CSTPP1: variants seen among roughly 807,000 people sequenced by gnomAD.
CSTPP1 encodes the protein centriolar satellite-associated tubulin polyglutamylase complex regulator 1, also known as UPF0705 protein C11orf49.
At chr11:47,147,681 T>G in the CSTPP1 span, among the ~76,000 whole-genome samples, 2 of 152,270 alleles carry the variant, frequency 1.3e-5, no homozygotes, top group Non-Finnish European at 1.5e-5. Flanking sequence ...TTACCAGAAG[T>G]GGCTGCAGGT....
the CSTPP1 span, among the ~76,000 whole-genome samples, chr11:46,941,959 G>T: frequency 1.3e-5 from 2 of 152,140 alleles, no homozygotes; most frequent in East Asian, 1.9e-4. Flanking sequence ...AATATCTAGA[G>T]ATATCCCTTT....
At chr11:46,983,593 T>C in the CSTPP1 span, among the ~76,000 whole-genome samples, 1 of 152,218 alleles carries the variant, frequency 6.6e-6, no homozygotes, top group African/African-American at 2.4e-5. Flanking sequence ...GCAGGTGTGC[T>C]GTTTTTTATT....
At chr11:46,974,626 A>T in the CSTPP1 span, among the ~76,000 whole-genome samples, 1 of 151,622 alleles carries the variant, frequency 6.6e-6, no homozygotes, top group Admixed American at 6.6e-5. Context: ...GGTTCACTTG[A>T]GATCAGGAGT....
the CSTPP1 span, among the ~76,000 whole-genome samples, chr11:46,945,536 A>C: frequency 6.6e-6 from 1 of 151,838 alleles, no homozygotes; most frequent in Admixed American, 6.6e-5. Context: ...AATCGCTTGA[A>C]CCCGGGAGGC....
At chr11:47,096,650 A>C in the CSTPP1 span, among the ~76,000 whole-genome samples, 2 of 152,186 alleles carry the variant, frequency 1.3e-5, no homozygotes, top group Admixed American at 6.5e-5. Flanking sequence ...TGTTTTTATC[A>C]TGACCTGTGT....
the CSTPP1 span, chr11:46,936,835 G>T: frequency 6.2e-7 from 1 of 1,600,128 alleles, no homozygotes; most frequent in Admixed American, 1.7e-5. Context: ...TAGCCCTACC[G>T]GACTACGAGT....
the CSTPP1 span, among the ~76,000 whole-genome samples, chr11:47,068,233 A>G: frequency 6.6e-6 from 1 of 152,082 alleles, no homozygotes; most frequent in Non-Finnish European, 1.5e-5. Context: ...AATTTTGAAA[A>G]CTGCATGTGT....
At chr11:47,038,541 G>T in the CSTPP1 span, among the ~76,000 whole-genome samples, 112 of 102,812 alleles carry the variant, frequency 1.1e-3, 1 homozygote, top group African/African-American at 3.0e-3. Context: ...GGGCAGAGGC[G>T]CCCCTCACCT....
At chr11:46,953,829 CAG>C in the CSTPP1 span, among the ~76,000 whole-genome samples, 1 of 152,090 alleles carries the variant, frequency 6.6e-6, no homozygotes, top group South Asian at 2.1e-4. Flanking sequence ...ATTTGAACAA[CAG>C]AGGTGGGAAG....
the CSTPP1 span, chr11:46,936,905 A>G: frequency 1.6e-6 from 1 of 612,396 alleles, no homozygotes. Context: ...GAATTAGGCC[A>G]GGGTCTGGGA....
At chr11:47,011,493 A>G in the CSTPP1 span, among the ~76,000 whole-genome samples, 2 of 152,176 alleles carry the variant, frequency 1.3e-5, no homozygotes, top group Non-Finnish European at 2.9e-5. Context: ...GAAGGCTCCA[A>G]GTTTTGGGGT....
At chr11:47,157,982 CCT>C in the CSTPP1 span, 13 of 1,463,884 alleles carry the variant, frequency 8.9e-6, no homozygotes, top group South Asian at 1.1e-5. Flanking sequence ...GAGCAGCTGG[CCT>C]CTGTTAGCAA....
the CSTPP1 span, among the ~76,000 whole-genome samples, chr11:47,109,928 T>G: frequency 5.9e-5 from 9 of 152,240 alleles, no homozygotes; most frequent in Non-Finnish European, 1.2e-4. Flanking sequence ...ACACTCTTGT[T>G]GCTGATTCCC....
the CSTPP1 span, among the ~76,000 whole-genome samples, chr11:46,968,462 C>T: frequency 6.8e-6 from 1 of 146,806 alleles, no homozygotes; most frequent in Non-Finnish European, 1.5e-5. Context: ...CAGAAATAGA[C>T]CAGTCTTATC....
the CSTPP1 span, among the ~76,000 whole-genome samples, chr11:46,976,298 T>A: frequency 4.8e-4 from 73 of 152,230 alleles, no homozygotes; most frequent in Non-Finnish European, 7.5e-4. Context: ...TAATAAAGAC[T>A]TTAAATGATT....
At chr11:47,054,786 G>A in the CSTPP1 span, among the ~76,000 whole-genome samples, 1 of 152,154 alleles carries the variant, frequency 6.6e-6, no homozygotes, top group East Asian at 1.9e-4. Flanking sequence ...CACTTTCAGA[G>A]ATAGAATCCA....
chr11:47,015,398 C>T, the CSTPP1 span, among the ~76,000 whole-genome samples: 3 of 152,062 alleles, frequency 2.0e-5, no homozygotes, highest in South Asian at 2.1e-4. Flanking sequence ...CACTTGAACT[C>T]GGGAGGAGGA....
the CSTPP1 span, chr11:47,159,732 G>T: frequency 6.6e-6 from 3 of 456,094 alleles, no homozygotes; most frequent in African/African-American, 6.0e-5. Context: ...CTGGCTGGGT[G>T]TGGTGGCTCA....
chr11:46,999,115 A>G, the CSTPP1 span, among the ~76,000 whole-genome samples: 1 of 152,040 alleles, frequency 6.6e-6, no homozygotes, highest in East Asian at 1.9e-4. Context: ...AAGGAAAAAG[A>G]GCTGCTTATT....
Sources: gnomAD v4.1 joint callset for allele counts (sites outside exome capture counted in the v4.1 genomes callset) on GRCh38, gnomAD v4.1.1 for gene constraint, MANE v1.5 for transcripts, NCBI Gene and HGNC (gene_info 2026-07-23, HGNC 2026-07-21) for gene names.